PGAP2: variants seen among roughly 807,000 people sequenced by gnomAD.
PGAP2 encodes the protein post-GPI attachment to proteins 2, also known as acyltransferase PGAP2.
Under a neutral mutation model 33.2 loss-of-function variants are expected in PGAP2, and 21 were observed. The observed-to-expected ratio is 0.63, with a 90% CI of 0.45 to 0.91. The LOEUF (loss-of-function observed/expected upper bound fraction) is 0.91. PGAP2 is among the 40% of genes least tolerant of loss of function. The pLI, the probability that PGAP2 is intolerant of heterozygous loss-of-function variation, is 0.00. For missense variants in PGAP2, 345 were observed against 424.0 expected, an observed-to-expected ratio of 0.81 and a Z score of 1.64; for synonymous variants, 161 against 172.9, an observed-to-expected ratio of 0.93 and a Z score of 0.54.
chr11:3,801,071 T>C (rs2083375468), intron 1 of PGAP2, among the ~76,000 whole-genome samples: 2 of 150,254 alleles, frequency 1.3e-5, no homozygotes, highest in Admixed American at 1.3e-4. Context: ...GAGGCAGAGG[T>C]TGCAGTGAGC....
intron 1 of PGAP2, among the ~76,000 whole-genome samples, chr11:3,803,096 C>CGA (rs767361701): frequency 5.3e-5 from 8 of 151,450 alleles, no homozygotes; most frequent in Non-Finnish European, 7.4e-5. Flanking sequence ...TGGGTTCAAG[C>CGA]GATTCTCCTG....
intron 2 of PGAP2, among the ~76,000 whole-genome samples, chr11:3,813,037 C>G (rs1051661828): frequency 1.3e-5 from 2 of 152,144 alleles, no homozygotes; most frequent in Non-Finnish European, 2.9e-5. Flanking sequence ...CCGCAAAACC[C>G]TGCCCCGCTA....
intron 3 of PGAP2, among the ~76,000 whole-genome samples, chr11:3,819,382 C>A (rs966194000): frequency 6.6e-6 from 1 of 151,858 alleles, no homozygotes; most frequent in African/African-American, 2.4e-5. Context: ...CCTGGGGGAA[C>A]CAGAGCCAAG....
chr11:3,800,061 A>C (rs1233094065), intron 1 of PGAP2, among the ~76,000 whole-genome samples: 1 of 152,220 alleles, frequency 6.6e-6, no homozygotes. Flanking sequence ...TACTTGAAGG[A>C]AGAAGAAAAT....
At chr11:3,807,311 T>G (rs1198563144), upstream of PGAP2, among the ~76,000 whole-genome samples, 2 of 24,876 alleles carry the variant, frequency 8.0e-5, no homozygotes, top group Non-Finnish European at 4.0e-4. Context: ...TTTCACAGGT[T>G]TTTTTTTTTT....
chr11:3,817,291 C>A (rs2134669083), intron 2 of PGAP2, 62 bp from the exon 3 acceptor site: 4 of 1,347,926 alleles, frequency 3.0e-6, no homozygotes, highest in Middle Eastern at 2.5e-4. Context: ...CTGGAAAAGG[C>A]CCCACTTTCC....
upstream of PGAP2, among the ~76,000 whole-genome samples, chr11:3,803,677 C>A (rs2083844257): frequency 6.6e-6 from 1 of 152,206 alleles, no homozygotes; most frequent in African/African-American, 2.4e-5. Flanking sequence ...TTCCACCTGC[C>A]TTGGCCTCCC....
intron 4 of PGAP2, 34 bp from the exon 5 acceptor site, chr11:3,824,236 C>G (rs774165374): frequency 1.1e-5 from 17 of 1,613,702 alleles, no homozygotes; most frequent in South Asian, 7.7e-5. Flanking sequence ...TGGGCACTCC[C>G]TGCAATGTGG....
chr11:3,800,674 T>C (rs1273747478), intron 1 of PGAP2, among the ~76,000 whole-genome samples: 2 of 151,560 alleles, frequency 1.3e-5, no homozygotes, highest in Non-Finnish European at 2.9e-5. Flanking sequence ...TAGCCGGGCG[T>C]GGTGGCACAT....
At chr11:3,822,403 G>A (rs971495507) in intron 3 of PGAP2, among the ~76,000 whole-genome samples, 1 of 151,974 alleles carries the variant, frequency 6.6e-6, no homozygotes. Flanking sequence ...AAGCGAGGTG[G>A]CTCATGCCTG....
chr11:3,801,422 C>T (rs567254653), intron 1 of PGAP2, among the ~76,000 whole-genome samples: 70 of 151,878 alleles, frequency 4.6e-4, no homozygotes, highest in Admixed American at 1.7e-3. Flanking sequence ...GCGGGCGGAT[C>T]ACAAGGTCAG....
In PGAP2 at chr11:3,823,914, C is replaced by T. The variant is rs752346360; in HGVS notation, c.380C>T (p.Ala127Val). Residue 127 changes from alanine to valine, a missense_variant, in exon 4 of 7, where the codon GCC (alanine) becomes GTC (valine). By Grantham distance (64) the Ala-to-Val change is moderately conservative. Coordinates refer to ENST00000278243, the MANE Select transcript of PGAP2 (RefSeq NM_014489.4). ...VPNYLPSVSS[A>V]IGGEVPQRYV... ...AATTACCTGCCCTCGGTGAGCTCAG[C>T]CATCGGCGGGGAGGTGCCCCAGCGC... 6.2e-7 allele frequency: 1 copy of T among 1,605,304 alleles called. No individual in the cohort carries two copies. The highest frequency in any genetic ancestry group is 1.7e-5 in the Admixed American group (1 of 60,002).
chr11:3,807,309 GTT>G (rs200578138), upstream of PGAP2, among the ~76,000 whole-genome samples: 1,559 of 114,716 alleles, frequency 0.014, 21 homozygotes, highest in Middle Eastern at 0.036. Context: ...ATTTTCACAG[GTT>G]TTTTTTTTTT....
intron 2 of PGAP2, among the ~76,000 whole-genome samples, chr11:3,813,837 T>G (rs1051281679): frequency 2.0e-5 from 3 of 152,218 alleles, no homozygotes; most frequent in Non-Finnish European, 2.9e-5. Context: ...CTGCCCCTTA[T>G]GGCTGACCCC....
chr11:3,817,875 C>T, intron 3 of PGAP2: 1 of 486,088 alleles, frequency 2.1e-6, no homozygotes, highest in Non-Finnish European at 4.0e-6. Flanking sequence ...GAAACCCCGT[C>T]TGTACAAAAA....
chr11:3,799,233 T>A (rs1046873788), intron 1 of PGAP2, among the ~76,000 whole-genome samples: 1 of 152,180 alleles, frequency 6.6e-6, no homozygotes, highest in East Asian at 1.9e-4. Context: ...GCAGGAACTG[T>A]GCGCAGAAAG....
rs112868847 is a variant in PGAP2, at chr11:3,823,177, G to A, written c.349-706G>A. ...CAGCCTCCTGAGTAGCTGGGACTAC[G>A]GGCGCTGGCCACCACGCCTGGCTAA... On this transcript the variant is annotated intron_variant, in intron 3 of 6. Transcript: ENST00000278243. Among the ~76,000 whole-genome samples the A allele has an allele frequency of 0.033, 4,968 of 151,500 alleles. 285 individuals are homozygous for A. The highest frequency in any genetic ancestry group is 0.11 in the African/African-American group (4,670 of 41,292).
intron 5 of PGAP2, 99 bp downstream of exon 5, chr11:3,824,475 C>T (rs1332234684): frequency 7.0e-6 from 11 of 1,581,892 alleles, no homozygotes; most frequent in Non-Finnish European, 8.6e-6. Context: ...GAACTGAGTT[C>T]TAATGGGAAC....
At position 3,824,325 on chromosome 11, in the gene PGAP2, C is replaced by G. The variant is rs368793106; in HGVS notation, c.657C>G (p.Leu219=). The change falls in exon 5 of 7, where the codon CTC becomes CTG. Residue 219 remains leucine (L), a synonymous_variant. Coordinates refer to ENST00000278243, the MANE Select transcript of PGAP2 (RefSeq NM_014489.4). ...VFIASSLGHM[L]LTCILWRLTK... ...TTGCCTCATCCCTCGGGCACATGCT[C>G]CTCACCTGCATTCTCTGGCGGTTGA... 6 of 1,614,112 alleles carry G rather than the reference C, an allele frequency of 3.7e-6. No homozygotes were observed. The highest frequency in any genetic ancestry group is 5.1e-6 in the Non-Finnish European group (6 of 1,180,056).
Sources: gnomAD v4.1 joint callset for allele counts (sites outside exome capture counted in the v4.1 genomes callset) on GRCh38, gnomAD v4.1.1 for gene constraint, MANE v1.5 for transcripts, NCBI Gene and HGNC (gene_info 2026-07-23, HGNC 2026-07-21) for gene names.